SRGAP3: variants seen among roughly 807,000 people sequenced by gnomAD.
SRGAP3 encodes SLIT-ROBO Rho GTPase activating protein 3.
In SRGAP3, 39 loss-of-function variants were observed where a neutral mutation model predicts 121.1. The observed-to-expected ratio is 0.32, with a 90% CI of 0.25 to 0.42. SRGAP3 has a LOEUF of 0.42. Ranked by LOEUF, SRGAP3 falls within the 10% of genes least tolerant of loss-of-function variation. SRGAP3 has a pLI of 1.00. For missense variants in SRGAP3, 1,213 were observed against 1,470.6 expected (o/e 0.82, Z 2.86); for synonymous variants, 601 against 570.0 (o/e 1.05, Z -0.77).
chr3:9,228,265 T>C (rs1953063788), intron 1 of SRGAP3, among the ~76,000 whole-genome samples: 1 of 152,086 alleles, frequency 6.6e-6, no homozygotes, highest in African/African-American at 2.4e-5. Flanking sequence ...CTCTGGCTGA[T>C]TGGTTACTGC....
At chr3:9,294,784 C>A (rs139951942) in intron 3 of SRGAP3, among the ~76,000 whole-genome samples, 2 of 150,794 alleles carry the variant, frequency 1.3e-5, no homozygotes, top group Non-Finnish European at 1.5e-5. Context: ...CAGCTCCCCC[C>A]ACCTGTGACA....
At chr3:9,102,496 C>A (rs1948255472) in intron 3 of SRGAP3, among the ~76,000 whole-genome samples, 1 of 152,190 alleles carries the variant, frequency 6.6e-6, no homozygotes. Flanking sequence ...CCAGTCTGAC[C>A]AGAGAGCAGC....
Position 9,025,335 on chromosome 3 carries a change from A to G in SRGAP3, c.1604T>C (p.Leu535Pro). ...CACTCTGAAGATCCCCTGCTGCTGGAGTCCTAAAAAAGAAACATACAGAAA... is the reference window on the plus strand; with the variant it reads ...CACTCTGAAGATCCCCTGCTGCTGGGGTCCTAAAAAAGAAACATACAGAAA... ...SCIRYINLYG[L>P]QQQGIFRVPG... The change falls in exon 14 of 22, where the codon CTC becomes CCC. Residue 535 changes from leucine to proline, a missense_variant. Physicochemically the swap from Leu to Pro is moderately conservative, Grantham distance 98. Transcript: ENST00000383836. 1 of 1,614,182 alleles carries G rather than the reference A, an allele frequency of 6.2e-7. No homozygotes were observed. The highest frequency in any genetic ancestry group is 8.5e-7 in the Non-Finnish European group (1 of 1,179,992).
At chr3:8,999,262 G>A (rs1453374845) in intron 18 of SRGAP3, among the ~76,000 whole-genome samples, 3 of 152,356 alleles carry the variant, frequency 2.0e-5, no homozygotes, top group East Asian at 3.9e-4. Context: ...AGGGATTGGA[G>A]GGGAGAGGCT....
At chr3:9,066,769 G>C (rs1372567044) in intron 4 of SRGAP3, among the ~76,000 whole-genome samples, 4 of 152,242 alleles carry the variant, frequency 2.6e-5, no homozygotes, top group Admixed American at 2.0e-4. Context: ...AAAGTGTTAA[G>C]ATTACAGGCG....
intron 1 of SRGAP3, among the ~76,000 whole-genome samples, chr3:9,352,321 T>C (rs1288974914): frequency 6.7e-6 from 1 of 149,248 alleles, no homozygotes; most frequent in Non-Finnish European, 1.5e-5. Flanking sequence ...TCACCCAGGC[T>C]GAAGCACAGT....
At chr3:9,143,057 C>T (rs1022122902) in intron 1 of SRGAP3, among the ~76,000 whole-genome samples, 1 of 151,874 alleles carries the variant, frequency 6.6e-6, no homozygotes, top group Non-Finnish European at 1.5e-5. Flanking sequence ...CCAGGCTGGT[C>T]GAGAACTCCA....
At chr3:9,288,193 A>C (rs1044290343) in intron 3 of SRGAP3, among the ~76,000 whole-genome samples, 3 of 143,598 alleles carry the variant, frequency 2.1e-5, no homozygotes, top group African/African-American at 7.7e-5. Context: ...ACTGGAGTGC[A>C]ATAGCGCAGC....
At chr3:9,349,735 A>T (rs1428531217) in intron 1 of SRGAP3, 1 of 152,444 alleles carries the variant, frequency 6.6e-6, no homozygotes, top group Admixed American at 6.5e-5. Flanking sequence ...GTATATATAA[A>T]TAATACAAAA....
At chr3:9,091,640 A>G (rs1241601697) in intron 3 of SRGAP3, among the ~76,000 whole-genome samples, 1 of 152,166 alleles carries the variant, frequency 6.6e-6, no homozygotes, top group Non-Finnish European at 1.5e-5. Flanking sequence ...TGGAAGGTCC[A>G]CGTACCCCTG....
intron 1 of SRGAP3, among the ~76,000 whole-genome samples, chr3:9,248,064 G>T (rs556207963): frequency 9.2e-5 from 14 of 152,338 alleles, no homozygotes; most frequent in African/African-American, 3.4e-4. Flanking sequence ...GTATACACCC[G>T]GTGGCACAGA....
chr3:9,301,451 C>T (rs1016020348), intron 3 of SRGAP3, among the ~76,000 whole-genome samples: 2 of 152,332 alleles, frequency 1.3e-5, no homozygotes, highest in East Asian at 3.9e-4. Flanking sequence ...GTGTAGAGGC[C>T]TCTGTGTCAG....
At chr3:9,241,419 T>G (rs1185421497) in intron 1 of SRGAP3, among the ~76,000 whole-genome samples, 1 of 152,152 alleles carries the variant, frequency 6.6e-6, no homozygotes, top group East Asian at 1.9e-4. Context: ...GATCCATTAA[T>G]TTCCCCAGAC....
intron 12 of SRGAP3, chr3:9,028,093 T>G (rs201377588): frequency 2.5e-6 from 4 of 1,614,114 alleles, no homozygotes; most frequent in Non-Finnish European, 3.4e-6. Flanking sequence ...GCCTTTCTAG[T>G]AAATACCTGG....
In SRGAP3 at chr3:9,020,791, G is replaced by A. The variant is rs1943877192; in HGVS notation, c.1678+4470C>T. On this transcript the variant is annotated intron_variant, in intron 14 of 21. Transcript: ENST00000383836. The stretch of plus-strand genomic sequence containing the variant: ...GAGCTGGATGGTTCCTGTGAATGAC[G>A]GCTTTCTCCAGGAGGAGAATTAGAG... 3.3e-5 allele frequency among the ~76,000 whole-genome samples: 5 copies of A among 152,296 alleles called. No homozygotes were observed. The South Asian group carries it at 1.0e-3, about 32-fold the overall frequency.
chr3:9,262,409 A>T (rs1437621478), intron 3 of SRGAP3, among the ~76,000 whole-genome samples: 2 of 152,042 alleles, frequency 1.3e-5, no homozygotes. Flanking sequence ...AAAGACATAG[A>T]CTGGCAAATT....
chr3:9,222,790 T>C (rs182194764), intron 1 of SRGAP3, among the ~76,000 whole-genome samples: 1 of 152,210 alleles, frequency 6.6e-6, no homozygotes, highest in African/African-American at 2.4e-5. Flanking sequence ...TGATTCTACA[T>C]AGCAGACACT....
At chr3:9,178,633 A>G (rs1004731275) in intron 1 of SRGAP3, among the ~76,000 whole-genome samples, 1 of 152,298 alleles carries the variant, frequency 6.6e-6, no homozygotes, top group Non-Finnish European at 1.5e-5. Flanking sequence ...ACAGCAGCAC[A>G]GCACCTGGGC....
At chr3:9,336,241 G>A (rs192451905) in intron 1 of SRGAP3, among the ~76,000 whole-genome samples, 41 of 139,386 alleles carry the variant, frequency 2.9e-4, no homozygotes, top group African/African-American at 1.1e-3. Context: ...TCTCCCTCTC[G>A]AGTCTCATTC....
Sources: allele counts gnomAD v4.1 joint callset (sites outside exome capture counted in the v4.1 genomes callset), GRCh38; gene constraint gnomAD v4.1.1; transcripts MANE v1.5; gene names NCBI Gene and HGNC (gene_info 2026-07-23, HGNC 2026-07-21).